LSAMP: variants seen among roughly 807,000 people sequenced by gnomAD.
LSAMP encodes limbic system associated membrane protein.
In LSAMP, 7 loss-of-function variants were observed where a neutral mutation model predicts 38.6. That is an observed-to-expected ratio of 0.18 (90% CI 0.10 to 0.34). LSAMP has a LOEUF of 0.34. LSAMP is among the 10% of genes least tolerant of loss of function. LSAMP has a pLI of 1.00. For synonymous variants in LSAMP, 154 were observed against 166.8 expected (o/e 0.92, Z 0.59); for missense variants, 313 against 420.0 (o/e 0.75, Z 2.23).
At chr3:116,204,767 G>A (rs1199033790) in intron 1 of LSAMP, among the ~76,000 whole-genome samples, 1 of 150,998 alleles carries the variant, frequency 6.6e-6, no homozygotes, top group African/African-American at 2.4e-5. Flanking sequence ...CTATCTCTCT[G>A]TTTTGGTACC....
intron 1 of LSAMP, among the ~76,000 whole-genome samples, chr3:116,318,408 T>C (rs2047662623): frequency 6.6e-6 from 1 of 152,206 alleles, no homozygotes; most frequent in Admixed American, 6.5e-5. Context: ...CCATCTCTGA[T>C]GTCCTTCCAG....
chr3:116,365,187 T>A, intron 1 of LSAMP, among the ~76,000 whole-genome samples: 1 of 30,962 alleles, frequency 3.2e-5, no homozygotes, highest in Non-Finnish European at 5.9e-5. Context: ...AACAACCCCA[T>A]CAAAAAGTGG....
chr3:116,114,367 A>C (rs1300028507), intron 1 of LSAMP, among the ~76,000 whole-genome samples: 1 of 152,218 alleles, frequency 6.6e-6, no homozygotes, highest in African/African-American at 2.4e-5. Flanking sequence ...TGTCCAGAGC[A>C]ATCCTAGGCA....
In LSAMP at chr3:116,019,588, G is replaced by A. The variant is rs1559922748; in HGVS notation, c.441C>T (p.Ser147=). The A allele has an allele frequency of 6.2e-7, 1 of 1,613,070 alleles. No homozygotes were observed. The highest frequency in any genetic ancestry group is 1.7e-4 in the Middle Eastern group (1 of 6,046). Residue 147 remains serine (S), a synonymous_variant, in exon 3 of 7, where the codon AGC becomes AGT. Coordinates refer to ENST00000490035, the MANE Select transcript of LSAMP (RefSeq NM_002338.5). ...TGGCCATGCAGACCAGAGTCACGTT[G>A]CTGCCCTCATTCACAGTGACATCCG... is the stretch of plus-strand genomic sequence containing the variant. ...ISSDVTVNEG[S]NVTLVCMANG... is the part of the protein sequence containing the mutation.
chr3:116,254,674 G>A (rs946730114), intron 1 of LSAMP, among the ~76,000 whole-genome samples: 5 of 152,128 alleles, frequency 3.3e-5, no homozygotes, highest in Admixed American at 6.5e-5. Flanking sequence ...GCCAACTTTC[G>A]CCTATGGCTT....
At chr3:115,854,013 G>A (rs540873477) in intron 3 of LSAMP, among the ~76,000 whole-genome samples, 6 of 152,024 alleles carry the variant, frequency 3.9e-5, no homozygotes, top group South Asian at 4.1e-4. Flanking sequence ...CTAGGCTTCC[G>A]ACAGAACATG....
chr3:115,870,562 A>C (rs188378996), intron 3 of LSAMP, among the ~76,000 whole-genome samples: 2 of 152,238 alleles, frequency 1.3e-5, no homozygotes, highest in African/African-American at 4.8e-5. Flanking sequence ...CAAAAGTTCT[A>C]ATCCATTATG....
At chr3:116,135,372 T>C (rs537064770) in intron 1 of LSAMP, among the ~76,000 whole-genome samples, 1 of 152,340 alleles carries the variant, frequency 6.6e-6, no homozygotes, top group South Asian at 2.1e-4. Context: ...TGTGCTGTGA[T>C]GTAGATACCT....
At chr3:116,312,283 G>A (rs930241495) in intron 1 of LSAMP, among the ~76,000 whole-genome samples, 1 of 152,082 alleles carries the variant, frequency 6.6e-6, no homozygotes, top group East Asian at 1.9e-4. Flanking sequence ...CAGGTGAATC[G>A]GACAAAAAGG....
intron 3 of LSAMP, among the ~76,000 whole-genome samples, chr3:115,982,759 A>G (rs1047352766): frequency 6.6e-6 from 1 of 151,314 alleles, no homozygotes; most frequent in Admixed American, 6.6e-5. Flanking sequence ...TATCTCCATC[A>G]CTGTCTCAGC....
chr3:116,332,963 T>A (rs2047870129), intron 1 of LSAMP, among the ~76,000 whole-genome samples: 1 of 152,028 alleles, frequency 6.6e-6, no homozygotes, highest in Non-Finnish European at 1.5e-5. Flanking sequence ...AACATATAAC[T>A]AATATTAAAT....
At chr3:116,348,460 C>A (rs948946430) in intron 1 of LSAMP, among the ~76,000 whole-genome samples, 2 of 152,060 alleles carry the variant, frequency 1.3e-5, no homozygotes, top group Non-Finnish European at 2.9e-5. Context: ...TTTGTTTCAT[C>A]CTGTCCTATG....
At chr3:116,416,293 C>A (rs547508955) in intron 1 of LSAMP, among the ~76,000 whole-genome samples, 12 of 152,170 alleles carry the variant, frequency 7.9e-5, no homozygotes, top group Admixed American at 7.2e-4. Context: ...TGTACCAGAA[C>A]TGGAAAAGGA....
intron 1 of LSAMP, among the ~76,000 whole-genome samples, chr3:116,345,685 G>A (rs571766650): frequency 6.6e-5 from 10 of 151,444 alleles, no homozygotes; most frequent in Non-Finnish European, 1.2e-4. Context: ...ATTTGTTTGG[G>A]TTTTATTTGT....
chr3:116,093,685 TTTAAGAAAA>T (rs1708170046), intron 1 of LSAMP, among the ~76,000 whole-genome samples: 2 of 152,222 alleles, frequency 1.3e-5, no homozygotes, highest in African/African-American at 4.8e-5. Flanking sequence ...ATTGATTTTT[TTTAAGAAAA>T]TTAGTCTTTG....
At chr3:115,909,154 G>C (rs1417586837) in intron 3 of LSAMP, among the ~76,000 whole-genome samples, 2 of 152,108 alleles carry the variant, frequency 1.3e-5, no homozygotes, top group African/African-American at 4.8e-5. Flanking sequence ...GATGGTCTTT[G>C]CTCCTCCTGC....
intron 3 of LSAMP, among the ~76,000 whole-genome samples, chr3:115,885,224 T>G (rs1394931827): frequency 2.0e-5 from 3 of 152,014 alleles, no homozygotes; most frequent in Non-Finnish European, 1.5e-5. Context: ...AATTTGCGTT[T>G]GTCTGTTCCT....
chr3:116,430,629 G>A (rs2107871230), intron 1 of LSAMP, among the ~76,000 whole-genome samples: 1 of 152,038 alleles, frequency 6.6e-6, no homozygotes, highest in South Asian at 2.1e-4. Flanking sequence ...TATAATTATA[G>A]ATACTTCTAA....
chr3:116,135,820 C>T (rs1378024792), intron 1 of LSAMP, among the ~76,000 whole-genome samples: 3 of 152,202 alleles, frequency 2.0e-5, no homozygotes, highest in Non-Finnish European at 4.4e-5. Flanking sequence ...GAAGATAATG[C>T]ATCCCATAAT....
Sources: gnomAD v4.1 joint callset for allele counts (sites outside exome capture counted in the v4.1 genomes callset) on GRCh38, gnomAD v4.1.1 for gene constraint, MANE v1.5 for transcripts, NCBI Gene and HGNC (gene_info 2026-07-23, HGNC 2026-07-21) for gene names.